The following BTBD2 variants were observed in gnomAD, a reference collection of about 807,000 sequenced individuals.
BTBD2 encodes the protein BTB/POZ domain-containing protein 2.
In BTBD2, 15 loss-of-function variants were observed where a neutral mutation model predicts 44.0. The observed-to-expected ratio is 0.34, with a 90% CI of 0.23 to 0.53. BTBD2 has a LOEUF of 0.53. Ranked by LOEUF, BTBD2 falls within the 20% of genes least tolerant of loss-of-function variation. The pLI is 0.95. For synonymous variants in BTBD2, 443 were observed against 335.9 expected, an observed-to-expected ratio of 1.32 and a Z score of -3.49; for missense variants, 657 against 746.4, an observed-to-expected ratio of 0.88 and a Z score of 1.39.
intron 1 of BTBD2, among the ~76,000 whole-genome samples, chr19:2,008,303 CTTTT>C (rs36003432): frequency 2.1e-5 from 3 of 141,086 alleles, no homozygotes; most frequent in South Asian, 2.3e-4. Context: ...TGCGCCCACT[CTTTT>C]TTTTTTTTTC....
At chr19:2,000,198 C>A (rs927195281) in intron 1 of BTBD2, among the ~76,000 whole-genome samples, 1 of 152,090 alleles carries the variant, frequency 6.6e-6, no homozygotes, top group African/African-American at 2.4e-5. Flanking sequence ...TTTGACCCCC[C>A]CAGTGTGTGG....
chr19:2,012,433 C>T (rs367901598), intron 1 of BTBD2, among the ~76,000 whole-genome samples: 12 of 152,168 alleles, frequency 7.9e-5, no homozygotes, highest in South Asian at 2.1e-4. Context: ...TCCAGGCGTG[C>T]GCCCCCGCAC....
chr19:2,000,366 CTTTCT>C (rs2016313731), intron 1 of BTBD2, among the ~76,000 whole-genome samples: 1 of 152,224 alleles, frequency 6.6e-6, no homozygotes, highest in South Asian at 2.1e-4. Flanking sequence ...TGGGACTTCT[CTTTCT>C]TGATTTAAAA....
In BTBD2 at chr19:1,987,414, A is replaced by AC. The variant is rs1268574396; in HGVS notation, c.1181+85dup. ...CGTCTTCATCATCCCTGAGTTCTCC[A>AC]CCCCCATGCCCGGCCCCCCATCTCC... On this transcript the variant is annotated intron_variant, in intron 6 of 8. Coordinates refer to ENST00000255608, the MANE Select transcript of BTBD2 (RefSeq NM_017797.4). The AC allele has an allele frequency of 9.3e-5, 43 of 464,488 alleles. 1 individual carries two copies. In the Middle Eastern group the frequency reaches 8.4e-3, roughly 90 times the overall value. The allele number at this position is 464,488 out of a possible 1,614,324, so 28.8% of individuals were successfully genotyped here.
rs1408632504 is a variant in BTBD2, at chr19:1,997,378, C to T, written c.493G>A (p.Asp165Asn). ...GCGAGGAAGGCAGCGGGTTCCACGTCGGGCAGCTCAATCTCCGTGGATGTT... is the reference window on the plus strand; with the variant it reads ...GCGAGGAAGGCAGCGGGTTCCACGTTGGGCAGCTCAATCTCCGTGGATGTT... Reference protein sequence around the residue: ...ATTSTEIELPDVEPAAFLALL... With the variant: ...ATTSTEIELPNVEPAAFLALL... The change falls in exon 2 of 9, where the codon GAC becomes AAC. Residue 165 changes from aspartate (D) to asparagine (N), a missense_variant. Coordinates refer to ENST00000255608, the MANE Select transcript of BTBD2 (RefSeq NM_017797.4). 1.2e-6 allele frequency: 2 copies of T among 1,614,032 alleles called. No homozygotes were observed. Among genetic ancestry groups the T allele is most frequent in the Non-Finnish European group, 1.7e-6 (2 of 1,180,022 alleles).
At chr19:2,000,231 G>A (rs184975510) in intron 1 of BTBD2, among the ~76,000 whole-genome samples, 11 of 152,128 alleles carry the variant, frequency 7.2e-5, no homozygotes, top group East Asian at 3.9e-4. Flanking sequence ...CCGCCCGCCC[G>A]TCTGCCCTCC....
intron 1 of BTBD2, among the ~76,000 whole-genome samples, chr19:2,011,164 T>A (rs1246494959): frequency 6.6e-6 from 1 of 152,020 alleles, no homozygotes; most frequent in Non-Finnish European, 1.5e-5. Context: ...TGTCCTGGCT[T>A]GTGATGCTCC....
rs1031843350 is a variant in BTBD2 at position 1,990,744 on chromosome 19, C to A, written c.763G>T (p.Ala255Ser). The change falls in exon 4 of 9, where the codon GCG becomes TCG. Residue 255 changes from alanine (A) to serine (S), a missense_variant. By Grantham distance (99) the Ala-to-Ser change is moderately conservative. Coordinates refer to ENST00000255608, the MANE Select transcript of BTBD2 (RefSeq NM_017797.4). The stretch of plus-strand genomic sequence containing the variant: ...AGGTCAATGTCGGTGAAGCCCTCCG[C>A]GGTGATGGCGTCTGCAGTGTTTTTG... ...IDKNTADAIT[A>S]EGFTDIDLDT... is the part of the protein sequence containing the mutation. 6 of 1,603,398 alleles carry A rather than the reference C, an allele frequency of 3.7e-6. No individual in the cohort carries two copies. Among genetic ancestry groups the A allele is most frequent in the Non-Finnish European group, 5.1e-6 (6 of 1,175,264 alleles).
At chr19:1,998,919 T>C (rs548580448) in intron 1 of BTBD2, among the ~76,000 whole-genome samples, 1 of 152,050 alleles carries the variant, frequency 6.6e-6, no homozygotes, top group African/African-American at 2.4e-5. Flanking sequence ...TCCCCACCTG[T>C]CCCCTTCCAA....
chr19:2,009,284 C>T (rs1411882038), intron 1 of BTBD2, among the ~76,000 whole-genome samples: 3 of 151,532 alleles, frequency 2.0e-5, no homozygotes, highest in African/African-American at 7.3e-5. Flanking sequence ...CTGCAACCTC[C>T]GCCTCCCGGG....
chr19:1,999,213 C>G (rs1294959837), intron 1 of BTBD2, among the ~76,000 whole-genome samples: 2 of 152,218 alleles, frequency 1.3e-5, no homozygotes, highest in Non-Finnish European at 1.5e-5. Flanking sequence ...AGGTCAGAAA[C>G]CAACGCAGTG....
In BTBD2 at chr19:1,991,196, G is replaced by A. The variant is rs536706552; in HGVS notation, c.685-374C>T. On this transcript the variant is annotated intron_variant, in intron 3 of 8. Coordinates refer to ENST00000255608, the MANE Select transcript of BTBD2 (RefSeq NM_017797.4). ...AGGCAGAGGTGAGGTGGCCGGGGCC[G>A]ACCGGTGAAGCTTCCCGACCACAAC... 1.0e-3 allele frequency: 201 copies of A among 200,904 alleles called. 1 individual carries two copies. The highest frequency in any genetic ancestry group is 4.3e-3 in the African/African-American group (184 of 42,560). 12.4% of individuals were successfully genotyped at this position (200,904 alleles called of 1,614,324 possible).
intron 1 of BTBD2, among the ~76,000 whole-genome samples, chr19:2,005,955 G>A (rs114667152): frequency 0.013 from 1,962 of 151,970 alleles, 33 homozygotes; most frequent in African/African-American, 0.044. Context: ...GAGCATAGTG[G>A]TGCATGTCTA....
intron 5 of BTBD2, chr19:1,988,385 A>T (rs926627199): frequency 1.0e-4 from 16 of 152,552 alleles, no homozygotes; most frequent in African/African-American, 3.9e-4. Flanking sequence ...CTCTGCTCTA[A>T]TGAGAGCAGC....
rs745425056 is a variant in BTBD2 at position 1,987,662 on chromosome 19, C to T, written c.1019G>A (p.Arg340His). 29 of 1,608,788 alleles carry T rather than the reference C, an allele frequency of 1.8e-5. No individual in the cohort carries two copies. The highest frequency in any genetic ancestry group is 1.7e-4 in the Middle Eastern group (1 of 6,034). ...GTGCAGGAAGAGGCTGACCACCTCG[C>T]GGTCCACCAGGATGCCCGACTGTGC... ...GPAQSGILVD[R>H]EVVSLFLHFT... The change falls in exon 6 of 9, where the codon CGC becomes CAC. Residue 340 changes from arginine (R) to histidine (H), a missense_variant. Physicochemically the swap from Arg to His is conservative, Grantham distance 29. Around this residue, in one of 3 missense-constraint regions of BTBD2, gnomAD observed 449 missense variants for 510.9 expected, o/e 0.88. Coordinates refer to ENST00000255608, the MANE Select transcript of BTBD2 (RefSeq NM_017797.4).
intron 1 of BTBD2, among the ~76,000 whole-genome samples, chr19:2,013,210 A>G (rs1448983367): frequency 1.3e-5 from 2 of 152,186 alleles, no homozygotes; most frequent in Non-Finnish European, 2.9e-5. Context: ...GAAGGTCAGA[A>G]GGGAGGGCAG....
chr19:1,997,370 TTCCACG>T lies in BTBD2; in HGVS notation c.495_500del (p.Asp165_Val166del), dbSNP rs2016265181. 6.2e-7 allele frequency: 1 copy of T among 1,613,954 alleles called. No individual in the cohort carries two copies. Among genetic ancestry groups the T allele is most frequent in the South Asian group, 1.1e-5 (1 of 91,082 alleles). Reference sequence around the variant, plus strand: ...TGAGCAGTGCGAGGAAGGCAGCGGGTTCCACGTCGGGCAGCTCAATCTCCGTGGATG... The same window carrying T: ...TGAGCAGTGCGAGGAAGGCAGCGGGTTCGGGCAGCTCAATCTCCGTGGATG... On this transcript the variant is annotated inframe_deletion, in exon 2 of 9. Transcript: ENST00000255608.
chr19:1,986,448 C>G lies in BTBD2; in HGVS notation c.*40G>C. The stretch of plus-strand genomic sequence containing the variant: ...AGCAGATGATGGCCTGGGGCTGCGG[C>G]TATCCCCACGGAGGGAGGGCGGTGT... On this transcript the variant is annotated 3_prime_UTR_variant, in exon 9 of 9. Transcript: ENST00000255608. 1 of 1,606,036 alleles carries G rather than the reference C, an allele frequency of 6.2e-7. No homozygotes were observed. Among genetic ancestry groups the G allele is most frequent in the Non-Finnish European group, 8.5e-7 (1 of 1,174,168 alleles).
In BTBD2 at chr19:2,013,583, C is replaced by T. The variant is rs551685913; in HGVS notation, c.407+1714G>A. On this transcript the variant is annotated intron_variant, in intron 1 of 8. Transcript: ENST00000255608. ...TCCAGGGTCCAGAGCCTGGCAGTGG[C>T]GGAGCTGGAGGTGGGTGGTCACTGA... 35 of 985,664 alleles carry T rather than the reference C, an allele frequency of 3.6e-5. No homozygotes were observed. The Admixed American group carries it at 5.6e-4, about 16-fold the overall frequency. 61.1% of individuals were successfully genotyped at this position (985,664 alleles called of 1,614,324 possible). A position where few individuals can be genotyped will look rare whatever the true frequency, so the allele number is the denominator to read the frequency against.
Sources: gnomAD v4.1 joint callset for allele counts (sites outside exome capture counted in the v4.1 genomes callset) on GRCh38, gnomAD v4.1.1 for gene constraint, gnomAD v4.1.1 regional missense constraint, MANE v1.5 for transcripts, NCBI Gene and HGNC (gene_info 2026-07-23, HGNC 2026-07-21) for gene names.